The following TRAK1 variants were observed in gnomAD, a reference collection of about 807,000 sequenced individuals.
TRAK1 encodes the protein trafficking kinesin-binding protein 1.
Under a neutral mutation model 92.1 loss-of-function variants are expected in TRAK1, and 33 were observed. That is an observed-to-expected ratio of 0.36 (90% CI 0.27 to 0.48). The LOEUF (loss-of-function observed/expected upper bound fraction) is 0.48, where lower values mean the gene tolerates loss of function less well. TRAK1 is among the 20% of genes least tolerant of loss of function. The pLI is 0.99. For synonymous variants in TRAK1, 521 were observed against 517.3 expected (o/e 1.01, Z -0.10); for missense variants, 1,123 against 1,257.9 (o/e 0.89, Z 1.62).
At chr3:42,060,819 C>T (rs148792446) in intron 1 of TRAK1, among the ~76,000 whole-genome samples, 276 of 151,976 alleles carry the variant, frequency 1.8e-3, no homozygotes, top group Non-Finnish European at 2.1e-3. Context: ...TTAGTAGAAA[C>T]GGAGTTTCGC....
At chr3:42,215,500 G>GT (rs1709577387) in intron 14 of TRAK1, among the ~76,000 whole-genome samples, 4 of 66,030 alleles carry the variant, frequency 6.1e-5, no homozygotes, top group African/African-American at 2.4e-4. Flanking sequence ...GCCACTGTTG[G>GT]GGTGTGTGTG....
At position 42,202,660 on chromosome 3, in the gene TRAK1, C is replaced by G. The variant is rs1334054713; in HGVS notation, c.1652C>G (p.Ser551Cys). The change falls in exon 13 of 16, where the codon TCC becomes TGC. Residue 551 changes from serine to cysteine, a missense_variant. By Grantham distance (112) the Ser-to-Cys change is moderately radical. Around this residue, in one of 3 missense-constraint regions of TRAK1, gnomAD observed 686 missense variants for 747.6 expected, o/e 0.92. Transcript: ENST00000327628. This position sits in a 1 kb window ranked among gnomAD's most constrained non-coding sequence, Gnocchi z 6.1. ...AGCATCATGTCCCTGGGCACGCACTCCCGCTTCTCCGAGTTCACCGGCTTC... is the reference window on the plus strand; with the variant it reads ...AGCATCATGTCCCTGGGCACGCACTGCCGCTTCTCCGAGTTCACCGGCTTC... Reference protein sequence around the residue: ...TESIMSLGTHSRFSEFTGFSG... With the variant: ...TESIMSLGTHCRFSEFTGFSG... 6.2e-7 allele frequency: 1 copy of G among 1,613,438 alleles called. No individual in the cohort carries two copies. The highest frequency in any genetic ancestry group is 1.7e-5 in the Admixed American group (1 of 60,024).
intron 1 of TRAK1, among the ~76,000 whole-genome samples, chr3:42,060,625 C>CTTTTT (rs1299725245): frequency 1.6e-5 from 2 of 123,300 alleles, no homozygotes; most frequent in Admixed American, 8.1e-5. Context: ...TTTTTGGCTG[C>CTTTTT]TTTTTTTTTT....
intron 2 of TRAK1, among the ~76,000 whole-genome samples, chr3:42,158,807 AAATT>A (rs1700874525): frequency 1.4e-5 from 2 of 145,502 alleles, no homozygotes; most frequent in Admixed American, 6.8e-5. Flanking sequence ...AAAAAAAAAA[AAATT>A]AGCCAGGTGT....
Position 42,091,435 on chromosome 3 carries a change from G to T in TRAK1, c.-35G>T, listed in dbSNP as rs906261987. ...CTGAGCTCTCATGGAGGCTCTCTCTGTTCTCTGAAGTGCCTTTGGAGTTTA... is the reference window on the plus strand; with the variant it reads ...CTGAGCTCTCATGGAGGCTCTCTCTTTTCTCTGAAGTGCCTTTGGAGTTTA... On this transcript the variant is annotated 5_prime_UTR_variant, in exon 1 of 16. Transcript: ENST00000327628. The T allele has an allele frequency of 6.9e-6, 11 of 1,601,532 alleles. No homozygotes were observed. The African/African-American group carries it at 1.3e-4, about 20-fold the overall frequency.
At chr3:42,146,164 C>A in intron 2 of TRAK1, 2 of 360,644 alleles carry the variant, frequency 5.5e-6, no homozygotes, top group Non-Finnish European at 1.1e-5. Flanking sequence ...TTCATCTCAA[C>A]AAGGAGGAAA....
intron 1 of TRAK1, among the ~76,000 whole-genome samples, chr3:42,077,763 G>A (rs886892594): frequency 1.3e-5 from 2 of 152,174 alleles, no homozygotes; most frequent in African/African-American, 2.4e-5. Flanking sequence ...CATTATTGGC[G>A]TATAGAAATG....
intron 5 of TRAK1, 49 bp from the exon 6 acceptor site, chr3:42,188,967 G>A (rs756126909): frequency 2.9e-6 from 4 of 1,374,790 alleles, no homozygotes; most frequent in Non-Finnish European, 4.1e-6. Flanking sequence ...TTGCCAGGTG[G>A]TGGGAGGAAA....
chr3:42,088,794 T>A (rs976232245), upstream of TRAK1, among the ~76,000 whole-genome samples: 5 of 152,316 alleles, frequency 3.3e-5, no homozygotes, highest in South Asian at 1.0e-3. Flanking sequence ...CCCCACACTC[T>A]CCCTGTTCTT....
At chr3:42,023,105 C>G (rs1701781929) in intron 1 of TRAK1, among the ~76,000 whole-genome samples, 1 of 138,852 alleles carries the variant, frequency 7.2e-6, no homozygotes, top group Non-Finnish European at 1.5e-5. Context: ...TTGCAGTGAG[C>G]CGAGATTGCG....
At chr3:42,092,983 C>T (rs1705330691) in intron 1 of TRAK1, among the ~76,000 whole-genome samples, 1 of 151,952 alleles carries the variant, frequency 6.6e-6, no homozygotes, top group Admixed American at 6.6e-5. Context: ...AATTCTTACA[C>T]ATCTTATTAA....
At chr3:42,161,260 G>C (rs893316242) in intron 2 of TRAK1, among the ~76,000 whole-genome samples, 11 of 152,244 alleles carry the variant, frequency 7.2e-5, no homozygotes, top group Non-Finnish European at 1.3e-4. Context: ...TTTGGGGGCT[G>C]ATCAGGATGT....
At position 42,202,933 on chromosome 3, in the gene TRAK1, C is replaced by T; in HGVS notation, c.1744+181C>T. ...TGCTCAGCCTAGGCCTCCGTCCCTC[C>T]CCTCTGGCTGGCAGGTGTGACAATG... On this transcript the variant is annotated intron_variant, in intron 13 of 15. Coordinates refer to ENST00000327628, the MANE Select transcript of TRAK1 (RefSeq NM_001042646.3). This position sits in a 1 kb window ranked among gnomAD's most constrained non-coding sequence, Gnocchi z 6.1. 1 of 1,404,436 alleles carries T rather than the reference C, an allele frequency of 7.1e-7. No individual in the cohort carries two copies. The highest frequency in any genetic ancestry group is 9.3e-7 in the Non-Finnish European group (1 of 1,078,818). The allele number at this position is 1,404,436 out of a possible 1,614,324, so 87.0% of individuals were successfully genotyped here. A position where few individuals can be genotyped will look rare whatever the true frequency, so the allele number is the denominator to read the frequency against.
In TRAK1 at chr3:42,209,632, G is replaced by A. The variant is rs1460397117; in HGVS notation, c.1745-135G>A. Reference sequence around the variant, plus strand: ...CGGCTCCACTGAAGTTCCCGCTGCAGTCCACCTGGAGGCCCAGACCCTGCT... The same window carrying A: ...CGGCTCCACTGAAGTTCCCGCTGCAATCCACCTGGAGGCCCAGACCCTGCT... On this transcript the variant is annotated intron_variant, in intron 13 of 15. Coordinates refer to ENST00000327628, the MANE Select transcript of TRAK1 (RefSeq NM_001042646.3). 3.8e-5 allele frequency: 32 copies of A among 835,628 alleles called. No individual in the cohort carries two copies. The South Asian group carries it at 5.5e-4, about 14-fold the overall frequency. The allele number at this position is 835,628 out of a possible 1,614,324, so 51.8% of individuals were successfully genotyped here.
intron 2 of TRAK1, among the ~76,000 whole-genome samples, chr3:42,158,778 C>CA (rs1411332026): frequency 2.7e-5 from 1 of 36,394 alleles, no homozygotes; most frequent in African/African-American, 1.6e-4. Flanking sequence ...CCCGTCTCCA[C>CA]AAAAAATACA....
chr3:42,112,097 G>T (rs1386595311), intron 1 of TRAK1, among the ~76,000 whole-genome samples: 2 of 142,914 alleles, frequency 1.4e-5, no homozygotes, highest in Non-Finnish European at 3.0e-5. Flanking sequence ...GGAATTCCAT[G>T]AACCTAATGG....
intron 1 of TRAK1, among the ~76,000 whole-genome samples, chr3:42,067,728 C>G (rs1029575464): frequency 6.6e-6 from 1 of 151,994 alleles, no homozygotes; most frequent in Non-Finnish European, 1.5e-5. Flanking sequence ...TTTCCTAATG[C>G]GACAGTTGGT....
Position 42,224,392 on chromosome 3 carries a change from A to C in TRAK1, c.*655A>C, listed in dbSNP as rs1710629552. The stretch of plus-strand genomic sequence containing the variant: ...CCCTTGAAGTCATCCTGTGTTTTGT[A>C]ATCAGCTGTCAGGCCAAATGTCTGA... On this transcript the variant is annotated 3_prime_UTR_variant, in exon 16 of 16. Coordinates refer to ENST00000327628, the MANE Select transcript of TRAK1 (RefSeq NM_001042646.3). 4.3e-5 allele frequency: 11 copies of C among 255,384 alleles called. No homozygotes were observed. The highest frequency in any genetic ancestry group is 4.2e-4 in the South Asian group (11 of 26,176). 15.8% of individuals were successfully genotyped at this position (255,384 alleles called of 1,614,324 possible).
chr3:42,026,869 T>G (rs947197854), intron 1 of TRAK1, among the ~76,000 whole-genome samples: 1 of 151,900 alleles, frequency 6.6e-6, no homozygotes, highest in African/African-American at 2.4e-5. Flanking sequence ...AGACCCTCCT[T>G]CTCCCCTCAT....
Sources: allele counts gnomAD v4.1 joint callset (sites outside exome capture counted in the v4.1 genomes callset), GRCh38; gene constraint gnomAD v4.1.1; regional missense constraint gnomAD v4.1.1; non-coding constraint Gnocchi (gnomAD v3.1); transcripts MANE v1.5; gene names NCBI Gene and HGNC (gene_info 2026-07-23, HGNC 2026-07-21).